The following CCDC88C variants were observed in gnomAD, a reference collection of about 807,000 sequenced individuals.
CCDC88C encodes protein Daple.
In CCDC88C, 131 loss-of-function variants were observed where a neutral mutation model predicts 198.8. That is an observed-to-expected ratio of 0.66 (90% CI 0.57 to 0.76). CCDC88C has a LOEUF of 0.76. Among genes scored for constraint, CCDC88C ranks in the 30% least tolerant of loss-of-function variants. The pLI is 0.00. For synonymous variants in CCDC88C, 1,166 were observed against 1,114.7 expected (o/e 1.05, Z -0.92); for missense variants, 2,553 against 2,631.6 (o/e 0.97, Z 0.65).
rs549656066 is a variant in CCDC88C at position 91,291,152 on chromosome 14, G to T, written c.4113-68C>A. 6.6e-6 allele frequency: 6 copies of T among 913,080 alleles called. No homozygotes were observed. In the East Asian group the frequency reaches 1.6e-4, roughly 24 times the overall value. The allele number at this position is 913,080 out of a possible 1,614,324, so 56.6% of individuals were successfully genotyped here. On this transcript the variant is annotated intron_variant, in intron 23 of 29. Coordinates refer to ENST00000389857, the MANE Select transcript of CCDC88C (RefSeq NM_001080414.4). ...ATCAAACAAGTGAATTTACTCATCG[G>T]CCCAGCCTGGAACCTGGTGTACCCG... is the stretch of plus-strand genomic sequence containing the variant.
At chr14:91,370,701 C>A (rs1052607365) in intron 3 of CCDC88C, among the ~76,000 whole-genome samples, 2 of 152,100 alleles carry the variant, frequency 1.3e-5, no homozygotes, top group African/African-American at 4.8e-5. Context: ...AGTGATGCCT[C>A]GGCAACCACA....
chr14:91,296,515 C>T (rs1298739823), intron 22 of CCDC88C, among the ~76,000 whole-genome samples: 2 of 152,212 alleles, frequency 1.3e-5, no homozygotes, highest in African/African-American at 4.8e-5. Context: ...GCCTCCATCC[C>T]GCCTCCACCC....
chr14:91,317,504 C>T (rs879585922), intron 13 of CCDC88C, among the ~76,000 whole-genome samples: 1 of 152,212 alleles, frequency 6.6e-6, no homozygotes, highest in Admixed American at 6.5e-5. Flanking sequence ...CAAATGCTGG[C>T]GAGCACCCTC....
In CCDC88C at chr14:91,383,522, A is replaced by C. The variant is rs1352734918; in HGVS notation, c.271-23811T>G. Reference sequence around the variant, plus strand: ...GTGGAGAAAGTGGGGAGCCAGGGACACTCTGCCTCCTCGGAGGTCGCCAGG... The same window carrying C: ...GTGGAGAAAGTGGGGAGCCAGGGACCCTCTGCCTCCTCGGAGGTCGCCAGG... On this transcript the variant is annotated intron_variant, in intron 3 of 29. Transcript: ENST00000389857. Among the ~76,000 whole-genome samples the C allele has an allele frequency of 2.7e-5, 4 of 150,328 alleles. No individual in the cohort carries two copies. The East Asian group carries it at 7.8e-4, about 29-fold the overall frequency.
At chr14:91,383,989 G>A (rs1884969534) in intron 3 of CCDC88C, among the ~76,000 whole-genome samples, 1 of 152,218 alleles carries the variant, frequency 6.6e-6, no homozygotes, top group South Asian at 2.1e-4. Context: ...CAGCCTTCTG[G>A]AGTGCCACAC....
chr14:91,373,569 A>G (rs1894929928), intron 3 of CCDC88C, among the ~76,000 whole-genome samples: 1 of 152,210 alleles, frequency 6.6e-6, no homozygotes, highest in Admixed American at 6.5e-5. Context: ...GTCTCTTTTC[A>G]TTACAGGAGT....
chr14:91,362,070 C>A (rs1894329981), intron 3 of CCDC88C, among the ~76,000 whole-genome samples: 2 of 152,072 alleles, frequency 1.3e-5, no homozygotes, highest in African/African-American at 4.8e-5. Context: ...CCTGTCTCTA[C>A]TAAAAATACA....
rs911351293 is a variant in CCDC88C, at chr14:91,306,944, C to G, written c.3195+94G>C. 3 of 1,329,080 alleles carry G rather than the reference C, an allele frequency of 2.3e-6. No individual in the cohort carries two copies. In the African/African-American group the frequency reaches 4.4e-5, roughly 20 times the overall value. The allele number at this position is 1,329,080 out of a possible 1,614,324, so 82.3% of individuals were successfully genotyped here. ...TAGATCTGGCTAAATCTCCTGTGTT[C>G]TTTACAGCAATGACAAGTCATCAAT... On this transcript the variant is annotated intron_variant, in intron 18 of 29. Coordinates refer to ENST00000389857, the MANE Select transcript of CCDC88C (RefSeq NM_001080414.4).
At chr14:91,305,186 A>G (rs1486944278) in intron 19 of CCDC88C, among the ~76,000 whole-genome samples, 1 of 152,228 alleles carries the variant, frequency 6.6e-6, no homozygotes, top group Non-Finnish European at 1.5e-5. Context: ...TGACAGAGTG[A>G]GACTCCATCT....
intron 13 of CCDC88C, among the ~76,000 whole-genome samples, chr14:91,317,167 G>A (rs1892140071): frequency 1.3e-5 from 2 of 152,246 alleles, no homozygotes; most frequent in African/African-American, 4.8e-5. Context: ...TACAGACACA[G>A]AGGAGGGAGG....
rs1382766710 is a variant in CCDC88C, at chr14:91,288,464, C to A, written c.4441+641G>T. ...GTTGAGTGCACCTGGGATCTCCCTG[C>A]ACAAAGCAGCTTTCTACAAATCTGG... On this transcript the variant is annotated intron_variant, in intron 25 of 29. Transcript: ENST00000389857. The surrounding 1 kb of genome is among the most constrained non-coding windows in gnomAD (Gnocchi z 4.2). Among the ~76,000 whole-genome samples, 6 of 152,206 alleles carry A rather than the reference C, an allele frequency of 3.9e-5. No individual in the cohort carries two copies. Among genetic ancestry groups the A allele is most frequent in the Non-Finnish European group, 5.9e-5 (4 of 68,026 alleles).
At chr14:91,354,350 G>A (rs1475084618) in intron 4 of CCDC88C, among the ~76,000 whole-genome samples, 2 of 152,238 alleles carry the variant, frequency 1.3e-5, no homozygotes, top group African/African-American at 4.8e-5. Context: ...AAGATGCTGA[G>A]AAGCCAGAGC....
In CCDC88C at chr14:91,273,801, A is replaced by G. The variant is rs1889846870; in HGVS notation, c.5059-148T>C. 2 of 576,070 alleles carry G rather than the reference A, an allele frequency of 3.5e-6. No homozygotes were observed. The highest frequency in any genetic ancestry group is 5.3e-6 in the Non-Finnish European group (2 of 376,600). 35.7% of individuals were successfully genotyped at this position (576,070 alleles called of 1,614,324 possible). A position where few individuals can be genotyped will look rare whatever the true frequency, so the allele number is the denominator to read the frequency against. On this transcript the variant is annotated intron_variant, in intron 29 of 29. Coordinates refer to ENST00000389857, the MANE Select transcript of CCDC88C (RefSeq NM_001080414.4). The surrounding 1 kb of genome is among the most constrained non-coding windows in gnomAD (Gnocchi z 5.6). The stretch of plus-strand genomic sequence containing the variant: ...TCTCCGAGGCACATGTGCCGCCTCC[A>G]CCACACACACCAGCCCTGGGCAGGA...
Position 91,338,259 on chromosome 14 carries a change from C to G in CCDC88C, c.892-96G>C. 3 of 1,468,142 alleles carry G rather than the reference C, an allele frequency of 2.0e-6. No homozygotes were observed. In the South Asian group the frequency reaches 3.8e-5, roughly 19 times the overall value. 90.9% of individuals were successfully genotyped at this position (1,468,142 alleles called of 1,614,324 possible). On this transcript the variant is annotated intron_variant, in intron 9 of 29. Transcript: ENST00000389857. The surrounding 1 kb of genome is among the most constrained non-coding windows in gnomAD (Gnocchi z 4.8). Reference sequence around the variant, plus strand: ...CTTCTGCATGGTGTCTCCACGACGGCCCAGGACAAGCCAGCTCCTGGTGGC... The same window carrying G: ...CTTCTGCATGGTGTCTCCACGACGGGCCAGGACAAGCCAGCTCCTGGTGGC...
At chr14:91,355,969 G>A (rs1237349386) in intron 4 of CCDC88C, among the ~76,000 whole-genome samples, 2 of 152,182 alleles carry the variant, frequency 1.3e-5, no homozygotes, top group East Asian at 1.9e-4. Flanking sequence ...ATAAATAACA[G>A]TACAGTGTTA....
chr14:91,277,159 A>G (rs1948782580), intron 29 of CCDC88C, among the ~76,000 whole-genome samples: 1 of 151,948 alleles, frequency 6.6e-6, no homozygotes, highest in South Asian at 2.1e-4. Context: ...TTGTAGAGAC[A>G]AGTGTCTCTA....
chr14:91,297,506 G>C lies in CCDC88C; in HGVS notation c.3780-15C>G. 1 of 1,551,988 alleles carries C rather than the reference G, an allele frequency of 6.4e-7. No homozygotes were observed. The highest frequency in any genetic ancestry group is 8.7e-7 in the Non-Finnish European group (1 of 1,147,088). Reference sequence around the variant, plus strand: ...GGAAATTGACCCTGGAGGAGGAAGAGTCACAGGGCAAAGGAGCTGAAGAGC... The same window carrying C: ...GGAAATTGACCCTGGAGGAGGAAGACTCACAGGGCAAAGGAGCTGAAGAGC... On this transcript the variant is annotated splice_polypyrimidine_tract_variant and intron_variant, in intron 21 of 29. Transcript: ENST00000389857.
chr14:91,351,197 C>G lies in CCDC88C; in HGVS notation c.341-7540G>C, dbSNP rs749109535. On this transcript the variant is annotated intron_variant, in intron 4 of 29. Transcript: ENST00000389857. ...GTGCTTACTTATTCTACATTCTCTTCTCTTCTGGCTTACATGCTGGTGTGA... is the reference window on the plus strand; with the variant it reads ...GTGCTTACTTATTCTACATTCTCTTGTCTTCTGGCTTACATGCTGGTGTGA... Among the ~76,000 whole-genome samples the G allele has an allele frequency of 2.0e-5, 3 of 152,232 alleles. No homozygotes were observed. The East Asian group carries it at 5.8e-4, about 29-fold the overall frequency.
At chr14:91,397,083 G>GTCATGGTAAGA (rs1885892292) in intron 3 of CCDC88C, among the ~76,000 whole-genome samples, 1 of 152,200 alleles carries the variant, frequency 6.6e-6, no homozygotes, top group Non-Finnish European at 1.5e-5. Context: ...AAGATAACCT[G>GTCATGGTAAGA]TATCAGAAAC....
Sources: gnomAD v4.1 joint callset for allele counts (sites outside exome capture counted in the v4.1 genomes callset) on GRCh38, gnomAD v4.1.1 for gene constraint, Gnocchi (gnomAD v3.1) non-coding constraint, MANE v1.5 for transcripts, NCBI Gene and HGNC (gene_info 2026-07-23, HGNC 2026-07-21) for gene names.